ERBB4: variants seen among roughly 807,000 people sequenced by gnomAD.
ERBB4 encodes receptor tyrosine-protein kinase erbB-4.
ERBB4 carries 42 observed loss-of-function variants against 158.0 expected under a neutral mutation model. The ratio of observed to expected loss-of-function variants is 0.27; its 90% confidence interval spans 0.21 to 0.34. The LOEUF is 0.34. Among genes scored for constraint, ERBB4 ranks in the 10% least tolerant of loss-of-function variants. The pLI, the probability that ERBB4 is intolerant of heterozygous loss-of-function variation, is 1.00. For synonymous variants in ERBB4, 583 were observed against 558.7 expected (o/e 1.04, Z -0.61); for missense variants, 1,333 against 1,624.1 (o/e 0.82, Z 3.08).
rs898870179 is a variant in ERBB4 at position 211,378,944 on chromosome 2, T to G, written c.*4671A>C. On this transcript the variant is annotated 3_prime_UTR_variant, in exon 28 of 28. Transcript: ENST00000342788. The stretch of plus-strand genomic sequence containing the variant: ...TTGTAGGATCAGCTCTAGGATCCTC[T>G]GCCCACAGTATACAGTAGAAGTTAA... 4.3e-6 allele frequency: 1 copy of G among 231,646 alleles called. No homozygotes were observed. The highest frequency in any genetic ancestry group is 2.2e-5 in the African/African-American group (1 of 45,182). 14.3% of individuals were successfully genotyped at this position (231,646 alleles called of 1,614,324 possible). A position where few individuals can be genotyped will look rare whatever the true frequency, so the allele number is the denominator to read the frequency against.
At chr2:211,454,379 A>T (rs1279066021) in intron 20 of ERBB4, among the ~76,000 whole-genome samples, 3 of 152,196 alleles carry the variant, frequency 2.0e-5, no homozygotes, top group Non-Finnish European at 2.9e-5. Flanking sequence ...TTAAGACATC[A>T]CAAAATTGAA....
chr2:211,675,838 A>G (rs974096040), intron 13 of ERBB4, among the ~76,000 whole-genome samples: 4 of 146,278 alleles, frequency 2.7e-5, no homozygotes, highest in Admixed American at 6.8e-5. Flanking sequence ...ATTTTGGTAA[A>G]TGTCATATTT....
At chr2:212,374,035 C>CATATATATCCATATATATATATCCATAT (rs1428399479) in intron 1 of ERBB4, among the ~76,000 whole-genome samples, 1 of 96,808 alleles carries the variant, frequency 1.0e-5, no homozygotes, top group African/African-American at 3.4e-5. Context: ...TATATATATC[C>CATATATATCCATATATATATATCCATAT]ATATATATCC....
chr2:212,256,005 T>A (rs1274071672), intron 1 of ERBB4, among the ~76,000 whole-genome samples: 1 of 129,162 alleles, frequency 7.7e-6, no homozygotes, highest in Non-Finnish European at 1.7e-5. Flanking sequence ...TTATTTATTT[T>A]TTTTTTACAA....
intron 19 of ERBB4, among the ~76,000 whole-genome samples, chr2:211,592,470 C>A (rs4672619): frequency 0.89 from 134,720 of 152,214 alleles, 59,773 homozygotes; most frequent in African/African-American, 0.94. Flanking sequence ...ACAGTGTAGG[C>A]AGTAAATGTG....
intron 2 of ERBB4, among the ~76,000 whole-genome samples, chr2:211,997,261 T>A (rs1575491386): frequency 6.6e-6 from 1 of 152,266 alleles, no homozygotes; most frequent in East Asian, 1.9e-4. Flanking sequence ...ATCAGGAACG[T>A]GGATTCATTC....
At chr2:211,763,901 C>G (rs1236295728) in intron 4 of ERBB4, among the ~76,000 whole-genome samples, 1 of 151,974 alleles carries the variant, frequency 6.6e-6, no homozygotes, top group Admixed American at 6.6e-5. Context: ...TGTGTATACA[C>G]ACACACACAC....
At chr2:212,118,410 T>G (rs2079636299) in intron 2 of ERBB4, among the ~76,000 whole-genome samples, 1 of 152,170 alleles carries the variant, frequency 6.6e-6, no homozygotes, top group African/African-American at 2.4e-5. Flanking sequence ...AGTTGCAGCT[T>G]TCTCTGCCTT....
At chr2:212,209,915 C>T (rs2082879195) in intron 1 of ERBB4, among the ~76,000 whole-genome samples, 1 of 152,028 alleles carries the variant, frequency 6.6e-6, no homozygotes, top group Non-Finnish European at 1.5e-5. Context: ...ACCAGTCAGC[C>T]TATTTCCTTG....
At chr2:211,644,961 A>T (rs1037801254) in intron 16 of ERBB4, among the ~76,000 whole-genome samples, 2 of 151,914 alleles carry the variant, frequency 1.3e-5, no homozygotes, top group African/African-American at 4.8e-5. Flanking sequence ...GCAAAATCTA[A>T]GTTTTTCTTA....
chr2:212,362,737 A>C (rs1469336249), intron 1 of ERBB4, among the ~76,000 whole-genome samples: 2 of 151,352 alleles, frequency 1.3e-5, no homozygotes, highest in African/African-American at 4.8e-5. Context: ...ATTGAATAAA[A>C]TTTAGTAATT....
At chr2:211,871,806 G>C (rs916992070) in intron 3 of ERBB4, among the ~76,000 whole-genome samples, 2 of 152,094 alleles carry the variant, frequency 1.3e-5, no homozygotes, top group Non-Finnish European at 2.9e-5. Flanking sequence ...ACGGCTATTA[G>C]TTATTCACCT....
chr2:212,318,524 G>C (rs2087399374), intron 1 of ERBB4, among the ~76,000 whole-genome samples: 1 of 80,612 alleles, frequency 1.2e-5, no homozygotes, highest in African/African-American at 2.9e-5. Context: ...TAGAAAGAGA[G>C]AGAAAAAGAC....
intron 1 of ERBB4, among the ~76,000 whole-genome samples, chr2:212,373,943 AT>A (rs1349012289): frequency 2.2e-4 from 17 of 78,786 alleles, no homozygotes; most frequent in South Asian, 4.2e-4. Context: ...ATATATCCAT[AT>A]ATATATCATA....
chr2:212,051,516 T>C (rs548816724), intron 2 of ERBB4, among the ~76,000 whole-genome samples: 2 of 152,312 alleles, frequency 1.3e-5, no homozygotes, highest in East Asian at 1.9e-4. Context: ...ATTGATGTTA[T>C]GTTTCCTTAC....
At chr2:211,719,627 G>A (rs1005223718) in intron 7 of ERBB4, among the ~76,000 whole-genome samples, 8 of 151,966 alleles carry the variant, frequency 5.3e-5, no homozygotes, top group South Asian at 4.2e-4. Flanking sequence ...AGGCCGAGGC[G>A]GGCTAATCAC....
intron 23 of ERBB4, among the ~76,000 whole-genome samples, chr2:211,423,441 T>C (rs1254286334): frequency 6.6e-6 from 1 of 151,942 alleles, no homozygotes; most frequent in Non-Finnish European, 1.5e-5. Context: ...CAAGAGAGAT[T>C]GCTGCATGTT....
intron 2 of ERBB4, among the ~76,000 whole-genome samples, chr2:212,084,006 G>T (rs761480465): frequency 2.0e-5 from 3 of 151,212 alleles, no homozygotes; most frequent in Admixed American, 1.3e-4. Context: ...TCTCATGAGT[G>T]CAGTTGAAGT....
chr2:211,711,814 A>T (rs2073711051), intron 9 of ERBB4, among the ~76,000 whole-genome samples: 1 of 152,146 alleles, frequency 6.6e-6, no homozygotes, highest in Admixed American at 6.6e-5. Flanking sequence ...AATATAATTT[A>T]GTTTAAATAC....
Sources: gnomAD v4.1 joint callset for allele counts (sites outside exome capture counted in the v4.1 genomes callset) on GRCh38, gnomAD v4.1.1 for gene constraint, MANE v1.5 for transcripts, NCBI Gene and HGNC (gene_info 2026-07-23, HGNC 2026-07-21) for gene names.